Variants in RPSA2 observed in about 807,000 individuals in gnomAD.
RPSA2 encodes ribosomal protein SA 2.
the RPSA2 span, among the ~76,000 whole-genome samples, chr19:23,801,232 C>CT: frequency 1.2e-3 from 167 of 143,596 alleles, no homozygotes; most frequent in African/African-American, 2.9e-3. Flanking sequence ...AAATGCAAGT[C>CT]TTTTTTTTTT....
the RPSA2 span, among the ~76,000 whole-genome samples, chr19:23,788,183 T>C: frequency 0.98 from 148,888 of 152,216 alleles, 72,906 homozygotes; most frequent in Middle Eastern, 1. Flanking sequence ...TGATGTGACC[T>C]TCCTGTCATG....
chr19:23,775,649 C>T, the RPSA2 span, among the ~76,000 whole-genome samples: 4 of 152,190 alleles, frequency 2.6e-5, no homozygotes, highest in Non-Finnish European at 4.4e-5. Context: ...TATGCAGAGA[C>T]AGTCACAAGT....
chr19:23,862,965 A>G, the RPSA2 span, among the ~76,000 whole-genome samples: 9 of 149,130 alleles, frequency 6.0e-5, no homozygotes, highest in Non-Finnish European at 1.2e-4. Context: ...GTGCAATGGC[A>G]CAAACTTGGT....
At chr19:23,823,452 G>A in the RPSA2 span, among the ~76,000 whole-genome samples, 17 of 152,118 alleles carry the variant, frequency 1.1e-4, no homozygotes, top group African/African-American at 3.6e-4. Context: ...CTCTCAGAGC[G>A]CACAGTCTAT....
chr19:23,804,457 C>G, the RPSA2 span, among the ~76,000 whole-genome samples: 1 of 8,590 alleles, frequency 1.2e-4, no homozygotes, highest in African/African-American at 1.6e-4. Flanking sequence ...CCACCACACC[C>G]GGCTAATTTT....
the RPSA2 span, among the ~76,000 whole-genome samples, chr19:23,836,730 C>T: frequency 7.2e-5 from 11 of 152,118 alleles, no homozygotes; most frequent in East Asian, 5.8e-4. Context: ...AGAGTGGTAT[C>T]GCATTGTGGT....
chr19:23,786,650 A>G, the RPSA2 span, among the ~76,000 whole-genome samples: 2 of 152,176 alleles, frequency 1.3e-5, no homozygotes, highest in East Asian at 3.9e-4. Flanking sequence ...ACCTTGTGAC[A>G]TAACTCAATG....
At chr19:23,835,231 A>C in the RPSA2 span, among the ~76,000 whole-genome samples, 122 of 152,092 alleles carry the variant, frequency 8.0e-4, no homozygotes, top group African/African-American at 2.9e-3. Context: ...TTCTTTGAAC[A>C]TGTGGCCTTT....
chr19:23,807,857 A>G, the RPSA2 span: 2 of 435,400 alleles, frequency 4.6e-6, no homozygotes, highest in East Asian at 7.5e-5. Flanking sequence ...GTGGCCATAG[A>G]ATTCTCTCTG....
chr19:23,854,567 G>A, the RPSA2 span, among the ~76,000 whole-genome samples: 12 of 152,174 alleles, frequency 7.9e-5, no homozygotes, highest in Non-Finnish European at 1.6e-4. Flanking sequence ...CTGTGGCAAG[G>A]GATTTCCATC....
chr19:23,764,261 C>T, the RPSA2 span, among the ~76,000 whole-genome samples: 1 of 152,136 alleles, frequency 6.6e-6, no homozygotes, highest in Non-Finnish European at 1.5e-5. Context: ...TACCCTCTTC[C>T]CCTAGCTTAA....
chr19:23,789,019 C>CTTTTTTTTTTTTTTTTTTTTTTTTTTTTT, the RPSA2 span, among the ~76,000 whole-genome samples: 12 of 112,622 alleles, frequency 1.1e-4, 3 homozygotes, highest in South Asian at 3.1e-4. Flanking sequence ...TTTTTTCTTT[C>CTTTTTTTTTTTTTTTTTTTTTTTTTTTTT]TTTCTTTTTT....
chr19:23,848,515 A>C, the RPSA2 span, among the ~76,000 whole-genome samples: 1 of 151,832 alleles, frequency 6.6e-6, no homozygotes, highest in Admixed American at 6.6e-5. Flanking sequence ...AACTCCAGGC[A>C]CAATGTATAA....
At chr19:23,798,981 A>T in the RPSA2 span, 2 of 152,192 alleles carry the variant, frequency 1.3e-5, no homozygotes, top group Non-Finnish European at 2.9e-5. Context: ...CTGCATTCAA[A>T]GGCTAGAAAA....
At chr19:23,761,305 C>G in the RPSA2 span, among the ~76,000 whole-genome samples, 1 of 152,004 alleles carries the variant, frequency 6.6e-6, no homozygotes, top group Admixed American at 6.6e-5. Context: ...GTCTTGAACC[C>G]CTGGGCTTAA....
the RPSA2 span, among the ~76,000 whole-genome samples, chr19:23,795,189 GTTTT>G: frequency 2.8e-4 from 41 of 146,046 alleles, no homozygotes; most frequent in Non-Finnish European, 4.5e-4. Flanking sequence ...TTTTACAATA[GTTTT>G]TTTTTTTTTT....
chr19:23,859,440 G>A, the RPSA2 span, among the ~76,000 whole-genome samples: 148,805 of 152,258 alleles, frequency 0.98, 72,805 homozygotes, highest in Middle Eastern at 1. Context: ...ACCAGCCTGA[G>A]CAACATGGAG....
At chr19:23,776,438 C>T in the RPSA2 span, among the ~76,000 whole-genome samples, 2 of 152,114 alleles carry the variant, frequency 1.3e-5, no homozygotes, top group Admixed American at 6.6e-5. Flanking sequence ...TTGCTGCCCT[C>T]CCCCCTAGTT....
the RPSA2 span, chr19:23,817,979 C>G: frequency 2.0e-5 from 3 of 152,098 alleles, no homozygotes; most frequent in Non-Finnish European, 1.5e-5. Flanking sequence ...GAGGAGGAAG[C>G]TAGGAGAGGA....
Sources: allele counts gnomAD v4.1 joint callset (sites outside exome capture counted in the v4.1 genomes callset), GRCh38; gene constraint gnomAD v4.1.1; transcripts MANE v1.5; gene names NCBI Gene and HGNC (gene_info 2026-07-23, HGNC 2026-07-21).